SNTG2: variants seen among roughly 807,000 people sequenced by gnomAD.
SNTG2 encodes gamma-2-syntrophin.
In SNTG2, 74 loss-of-function variants were observed where a neutral mutation model predicts 70.9. The observed-to-expected ratio is 1.04, with a 90% CI of 0.86 to 1.27. The LOEUF (loss-of-function observed/expected upper bound fraction) is 1.27. SNTG2 is among the 50% of genes most tolerant of loss of function. The pLI is 0.00. For synonymous variants in SNTG2, 278 were observed against 273.8 expected (o/e 1.02, Z -0.15); for missense variants, 717 against 690.7 (o/e 1.04, Z -0.43).
At chr2:1,135,625 G>A (rs1234719884) in intron 4 of SNTG2, among the ~76,000 whole-genome samples, 1 of 152,176 alleles carries the variant, frequency 6.6e-6, no homozygotes, top group African/African-American at 2.4e-5. Flanking sequence ...GGGAGGCTGA[G>A]GCAAAAGAAT....
chr2:1,063,991 TAATC>T (rs1234581269), intron 1 of SNTG2, among the ~76,000 whole-genome samples: 1 of 152,102 alleles, frequency 6.6e-6, no homozygotes. Context: ...AAGCATATAA[TAATC>T]AAACTGCTGA....
intron 1 of SNTG2, among the ~76,000 whole-genome samples, chr2:1,062,193 T>C (rs1572338975): frequency 6.6e-6 from 1 of 152,162 alleles, no homozygotes; most frequent in Non-Finnish European, 1.5e-5. Context: ...TATAAATGGC[T>C]CTACAGTAAC....
intron 14 of SNTG2, among the ~76,000 whole-genome samples, chr2:1,297,565 C>A (rs1421747602): frequency 6.7e-6 from 1 of 150,044 alleles, no homozygotes; most frequent in Non-Finnish European, 1.5e-5. Flanking sequence ...CCCAGCCCGG[C>A]GCCTCTACAG....
At chr2:1,087,159 G>A (rs957189811) in intron 2 of SNTG2, among the ~76,000 whole-genome samples, 3 of 152,194 alleles carry the variant, frequency 2.0e-5, no homozygotes, top group Admixed American at 1.3e-4. Flanking sequence ...TTAGATGGCC[G>A]ACAGATAGCA....
At chr2:1,191,995 A>C (rs1321344227) in intron 8 of SNTG2, among the ~76,000 whole-genome samples, 3 of 152,188 alleles carry the variant, frequency 2.0e-5, no homozygotes, top group Non-Finnish European at 4.4e-5. Context: ...AGGATCTTCA[A>C]ATTGGAAAGG....
At chr2:1,262,789 A>G (rs1030250451) in intron 13 of SNTG2, 1 of 152,168 alleles carries the variant, frequency 6.6e-6, no homozygotes, top group East Asian at 1.9e-4. Context: ...CAGACGAGGT[A>G]ACCGGAAGGC....
chr2:1,001,226 C>T (rs1005053215), intron 1 of SNTG2, among the ~76,000 whole-genome samples: 4 of 151,962 alleles, frequency 2.6e-5, no homozygotes, highest in Non-Finnish European at 5.9e-5. Flanking sequence ...GATGTTCACT[C>T]TCACCTCTCC....
At chr2:1,357,422 A>G (rs1393783114) in intron 16 of SNTG2, among the ~76,000 whole-genome samples, 2 of 152,154 alleles carry the variant, frequency 1.3e-5, no homozygotes, top group Non-Finnish European at 2.9e-5. Context: ...CCTATGTCCC[A>G]GGGATAAATT....
intron 8 of SNTG2, among the ~76,000 whole-genome samples, chr2:1,179,359 T>C (rs527967162): frequency 6.6e-6 from 1 of 152,300 alleles, no homozygotes; most frequent in East Asian, 1.9e-4. Flanking sequence ...ATAAGCAACT[T>C]CAGCAAAGTC....
chr2:1,083,539 T>C lies in SNTG2; in HGVS notation c.94T>C (p.Leu32=). ...ACAGACGAAAACCACTATTGCTCTG[T>C]TGTATGATGAAGAGTCCGAAAATGC... ...PARTKTTIAL[L]YDEESENAYD... is the part of the protein sequence containing the mutation. Residue 32 remains leucine (L), a synonymous_variant, in exon 2 of 17, where the codon TTG becomes CTG. Transcript: ENST00000308624. The C allele has an allele frequency of 6.2e-7, 1 of 1,613,690 alleles. No individual in the cohort carries two copies. Among genetic ancestry groups the C allele is most frequent in the East Asian group, 2.2e-5 (1 of 44,872 alleles).
At chr2:1,175,415 C>G (rs181324705) in intron 8 of SNTG2, among the ~76,000 whole-genome samples, 59 of 152,334 alleles carry the variant, frequency 3.9e-4, no homozygotes, top group Admixed American at 2.1e-3. Flanking sequence ...TCCATCCTCT[C>G]TCTTTGTTTT....
chr2:1,272,182 G>T (rs1009944946), intron 14 of SNTG2, among the ~76,000 whole-genome samples: 2 of 151,504 alleles, frequency 1.3e-5, no homozygotes, highest in Admixed American at 6.6e-5. Flanking sequence ...TATACAACCC[G>T]CCATAATGCA....
intron 6 of SNTG2, among the ~76,000 whole-genome samples, chr2:1,144,762 A>T (rs1301704120): frequency 6.6e-6 from 1 of 152,202 alleles, no homozygotes; most frequent in Non-Finnish European, 1.5e-5. Context: ...TGCCACCATG[A>T]TTCAATTACC....
In SNTG2 at chr2:1,218,891, G is replaced by C. The variant is rs577479331; in HGVS notation, c.719+9661G>C. ...TAATACTTTACTGCTTTCTAAGATA[G>C]TTTATGAAGGTAAGAAAAAATAAAA... On this transcript the variant is annotated intron_variant, in intron 9 of 16. Transcript: ENST00000308624. Among the ~76,000 whole-genome samples the C allele has an allele frequency of 5.3e-5, 8 of 152,316 alleles. No homozygotes were observed. The South Asian group carries it at 1.7e-3, about 32-fold the overall frequency.
At chr2:1,060,635 C>T (rs945182573) in intron 1 of SNTG2, among the ~76,000 whole-genome samples, 1 of 152,046 alleles carries the variant, frequency 6.6e-6, no homozygotes, top group Non-Finnish European at 1.5e-5. Flanking sequence ...GTCCCATGGG[C>T]CAAGCCTCGA....
At chr2:1,293,612 G>C (rs201333334) in intron 14 of SNTG2, among the ~76,000 whole-genome samples, 1 of 151,828 alleles carries the variant, frequency 6.6e-6, no homozygotes, top group East Asian at 1.9e-4. Context: ...CCCATTGGTT[G>C]TGTAAGAATG....
chr2:1,235,376 G>C (rs59787279), intron 9 of SNTG2, among the ~76,000 whole-genome samples: 2 of 88,266 alleles, frequency 2.3e-5, no homozygotes, highest in African/African-American at 4.7e-5. Context: ...TGAGAGGGGG[G>C]ACCCCTGCCC....
At chr2:1,105,306 A>G (rs981328634) in intron 4 of SNTG2, among the ~76,000 whole-genome samples, 2 of 152,100 alleles carry the variant, frequency 1.3e-5, no homozygotes, top group Non-Finnish European at 2.9e-5. Context: ...GTTTCTGTCC[A>G]TGGTTTCAGG....
intron 2 of SNTG2, among the ~76,000 whole-genome samples, chr2:1,090,807 A>G (rs1204949438): frequency 6.6e-6 from 1 of 152,128 alleles, no homozygotes; most frequent in Non-Finnish European, 1.5e-5. Flanking sequence ...AGTTGAGTCC[A>G]CCCAGAGGAA....
Sources: allele counts gnomAD v4.1 joint callset (sites outside exome capture counted in the v4.1 genomes callset), GRCh38; gene constraint gnomAD v4.1.1; transcripts MANE v1.5; gene names NCBI Gene and HGNC (gene_info 2026-07-23, HGNC 2026-07-21).